CENPS: variants seen among roughly 807,000 people sequenced by gnomAD.
CENPS encodes FANCM associated histone fold protein 1.
In CENPS, 16 loss-of-function variants were observed where a neutral mutation model predicts 17.9. The ratio of observed to expected loss-of-function variants is 0.90; its 90% CI spans 0.61 to 1.36. The LOEUF is 1.36. Ranked by LOEUF, CENPS falls within the 40% of genes most tolerant of loss-of-function variation. The probability of loss-of-function intolerance (pLI) is 0.00; values close to 1 mark genes in which losing one functional copy is unlikely to be tolerated. For synonymous variants in CENPS, 49 were observed against 55.8 expected, an observed-to-expected ratio of 0.88 and a Z score of 0.54; for missense variants, 160 against 158.6, an observed-to-expected ratio of 1.01 and a Z score of -0.05.
At chr1:10,435,786 A>G (rs1482828339) in intron 3 of CENPS, among the ~76,000 whole-genome samples, 2 of 151,630 alleles carry the variant, frequency 1.3e-5, no homozygotes, top group Non-Finnish European at 2.9e-5. Context: ...TATGTTGCCC[A>G]GGCTGGTCTT....
At chr1:10,430,760 C>A in intron 1 of CENPS, 192 bp downstream of exon 1, 1 of 1,396,746 alleles carries the variant, frequency 7.2e-7, no homozygotes, top group Non-Finnish European at 9.3e-7. Context: ...GCGGCTGGAC[C>A]CTGGCCTGCG....
chr1:10,439,081 T>C (rs1445286057), intron 3 of CENPS, among the ~76,000 whole-genome samples: 1 of 152,228 alleles, frequency 6.6e-6, no homozygotes, highest in Non-Finnish European at 1.5e-5. Flanking sequence ...GACAAGCAGA[T>C]ATTGTCAATC....
intron 3 of CENPS, among the ~76,000 whole-genome samples, chr1:10,435,674 A>T (rs1035611133): frequency 6.6e-6 from 1 of 150,888 alleles, no homozygotes; most frequent in Admixed American, 6.7e-5. Context: ...GTGGGAAAAA[A>T]AAATGAAAAA....
chr1:10,433,195 C>T (rs1639998671), intron 1 of CENPS, among the ~76,000 whole-genome samples: 1 of 152,184 alleles, frequency 6.6e-6, no homozygotes, highest in African/African-American at 2.4e-5. Flanking sequence ...GCAATTGAGG[C>T]TCATCCTCCC....
intron 3 of CENPS, chr1:10,440,054 G>A: frequency 2.5e-6 from 1 of 400,856 alleles, no homozygotes; most frequent in Non-Finnish European, 4.4e-6. Context: ...AGCAAGCCAG[G>A]TTTGGAAGGG....
At chr1:10,432,660 C>A (rs927466391) in intron 1 of CENPS, among the ~76,000 whole-genome samples, 1 of 151,878 alleles carries the variant, frequency 6.6e-6, no homozygotes, top group Non-Finnish European at 1.5e-5. Flanking sequence ...GGAGGAAGAT[C>A]TGAGAAAAAT....
intron 3 of CENPS, among the ~76,000 whole-genome samples, chr1:10,435,675 A>G (rs982389257): frequency 6.7e-6 from 1 of 148,638 alleles, no homozygotes; most frequent in Non-Finnish European, 1.5e-5. Context: ...TGGGAAAAAA[A>G]AATGAAAAAT....
chr1:10,432,087 T>G (rs1639946280), intron 1 of CENPS, among the ~76,000 whole-genome samples: 1 of 151,616 alleles, frequency 6.6e-6, no homozygotes, highest in Non-Finnish European at 1.5e-5. Context: ...TTTTTTTTGG[T>G]TGGTTTTTGT....
intron 1 of CENPS, chr1:10,431,360 CTT>C (rs992619948): frequency 3.3e-6 from 5 of 1,535,262 alleles, no homozygotes; most frequent in Non-Finnish European, 4.4e-6. Flanking sequence ...TGCCCCTTGT[CTT>C]TTGAGAAGTT....
intron 2 of CENPS, 70 bp from the exon 3 acceptor site, chr1:10,434,587 C>CT: frequency 6.3e-7 from 1 of 1,598,830 alleles, no homozygotes; most frequent in Admixed American, 1.8e-5. Context: ...GAAATCAAGG[C>CT]TTCACTTTTT....
chr1:10,441,142 C>A (rs1640389089), intron 4 of CENPS, among the ~76,000 whole-genome samples: 1 of 152,108 alleles, frequency 6.6e-6, no homozygotes, highest in Admixed American at 6.6e-5. Context: ...AGGGGCTTTT[C>A]CAGATACTAT....
At chr1:10,430,848 C>G (rs901843710) in intron 1 of CENPS, 1 of 1,324,856 alleles carries the variant, frequency 7.5e-7, no homozygotes, top group East Asian at 3.2e-5. Flanking sequence ...TCTGGCCTTG[C>G]GATGAATCCT....
chr1:10,430,702 TTGGCTTAAC>T (rs35995075), intron 1 of CENPS, 134 bp downstream of exon 1: 704,588 of 1,420,372 alleles, frequency 0.5, 176,626 homozygotes, highest in African/African-American at 0.67. Context: ...TGCGCATGCG[TTGGCTTAAC>T]TGCCGCGGGT....
intron 4 of CENPS, 24 bp from the exon 5 acceptor site, chr1:10,442,241 T>C (rs1261419967): frequency 6.6e-7 from 1 of 1,514,316 alleles, no homozygotes; most frequent in Non-Finnish European, 8.8e-7. Flanking sequence ...CAGCCAGATA[T>C]AAATACAGAT....
chr1:10,441,314 T>C (rs613170), intron 4 of CENPS, among the ~76,000 whole-genome samples: 121 of 94,002 alleles, frequency 1.3e-3, no homozygotes, highest in Non-Finnish European at 2.2e-3. Flanking sequence ...GTGCCACAAC[T>C]TTTTTTTTTT....
chr1:10,434,732 C>T, intron 3 of CENPS, 42 bp downstream of exon 3: 1 of 1,560,676 alleles, frequency 6.4e-7, no homozygotes, highest in Non-Finnish European at 8.6e-7. Context: ...GTCTGTGTAG[C>T]TTTTTGGGGC....
intron 3 of CENPS, among the ~76,000 whole-genome samples, chr1:10,435,706 T>TACAC (rs1405520586): frequency 0.04 from 5,705 of 141,706 alleles, 138 homozygotes; most frequent in Admixed American, 0.08. Context: ...AAAAATAATA[T>TACAC]ATATATATAT....
intron 3 of CENPS, among the ~76,000 whole-genome samples, chr1:10,439,661 A>G (rs897559037): frequency 3.3e-5 from 5 of 152,142 alleles, no homozygotes; most frequent in African/African-American, 1.2e-4. Context: ...GAATTGCTTT[A>G]ACCCGGGAGG....
chr1:10,438,771 G>A (rs191637704), intron 3 of CENPS, among the ~76,000 whole-genome samples: 4 of 152,222 alleles, frequency 2.6e-5, no homozygotes, highest in Admixed American at 6.5e-5. Flanking sequence ...GACTGAGATC[G>A]TTGTTTCCTA....
Sources: allele counts gnomAD v4.1 joint callset (sites outside exome capture counted in the v4.1 genomes callset), GRCh38; gene constraint gnomAD v4.1.1; transcripts MANE v1.5; gene names NCBI Gene and HGNC (gene_info 2026-07-23, HGNC 2026-07-21).